Variants in MDN1 observed in about 807,000 individuals in gnomAD.
MDN1 encodes the protein midasin.
A neutral mutation model predicts 669.2 loss-of-function variants in MDN1; 266 were observed. The observed-to-expected ratio is 0.40, with a 90% CI of 0.36 to 0.44. The LOEUF (loss-of-function observed/expected upper bound fraction) is 0.44. Ranked by LOEUF, MDN1 falls within the 20% of genes least tolerant of loss-of-function variation. MDN1 has a pLI of 1.00. For synonymous variants in MDN1, 2,385 were observed against 2,457.1 expected (o/e 0.97, Z 0.87); for missense variants, 5,940 against 6,754.0 (o/e 0.88, Z 4.22).
intron 19 of MDN1, among the ~76,000 whole-genome samples, chr6:89,757,597 C>T (rs555930237): frequency 6.6e-5 from 10 of 152,202 alleles, no homozygotes; most frequent in South Asian, 2.1e-4. Flanking sequence ...CTCTAAAGTC[C>T]GGTTACATTA....
rs1239091306 is a variant in MDN1 at position 89,648,021 on chromosome 6, C to T, written c.16395+11G>A. On this transcript the variant is annotated intron_variant, in intron 99 of 101. Coordinates refer to ENST00000369393, the MANE Select transcript of MDN1 (RefSeq NM_014611.3). ...TAACTGTGCAGAAGACATTTTATTT[C>T]ATCCTCTTACCTGAGCAATCTTGGT... The T allele has an allele frequency of 6.3e-7, 1 of 1,589,002 alleles. No individual in the cohort carries two copies. Among genetic ancestry groups the T allele is most frequent in the East Asian group, 2.2e-5 (1 of 44,798 alleles).
intron 2 of MDN1, among the ~76,000 whole-genome samples, chr6:89,802,457 G>A (rs1029863997): frequency 2.0e-5 from 3 of 152,356 alleles, no homozygotes; most frequent in Admixed American, 2.0e-4. Context: ...GGTCGAGGCG[G>A]GCAGATCACG....
At chr6:89,709,752 G>A (rs1813756321) in intron 50 of MDN1, among the ~76,000 whole-genome samples, 2 of 152,284 alleles carry the variant, frequency 1.3e-5, no homozygotes, top group South Asian at 4.1e-4. Flanking sequence ...CTTCATTAAT[G>A]CTTGTGCCAA....
In MDN1 at chr6:89,790,352, T is replaced by C; in HGVS notation, c.905A>G (p.Tyr302Cys). The change falls in exon 6 of 102, where the codon TAT (tyrosine) becomes TGT (cysteine). Residue 302 changes from tyrosine to cysteine, a missense_variant. Tyr to Cys is a radical substitution (Grantham distance 194). Around this residue, in one of 5 missense-constraint regions of MDN1, gnomAD observed 1,203 missense variants for 1,268.9 expected, o/e 0.95. Transcript: ENST00000369393. ...SREQELALRS[Y>C]VLVESVCKSL... Reference sequence around the variant, plus strand: ...TTTGCAGACAGACTCAACCAGCACATAAGACCTAAGGGCCAGCTCCTGTTC... The same window carrying C: ...TTTGCAGACAGACTCAACCAGCACACAAGACCTAAGGGCCAGCTCCTGTTC... 3.1e-6 allele frequency: 5 copies of C among 1,614,056 alleles called. No individual in the cohort carries two copies. In the South Asian group the frequency reaches 5.5e-5, roughly 18 times the overall value.
Position 89,643,806 on chromosome 6 carries a change from T to A in MDN1, c.*199A>T. 2.1e-6 allele frequency: 1 copy of A among 477,264 alleles called. No individual in the cohort carries two copies. The allele number at this position is 477,264 out of a possible 1,614,324, so 29.6% of individuals were successfully genotyped here. ...TCTAGTTACGAGTTCAGGCACCTGCTGCTGCTTCCAGGTTTGGTATAAAAA... is the reference window on the plus strand; with the variant it reads ...TCTAGTTACGAGTTCAGGCACCTGCAGCTGCTTCCAGGTTTGGTATAAAAA... On this transcript the variant is annotated 3_prime_UTR_variant, in exon 102 of 102. Coordinates refer to ENST00000369393, the MANE Select transcript of MDN1 (RefSeq NM_014611.3).
At chr6:89,652,378 A>T in intron 94 of MDN1, 97 bp from the exon 95 acceptor site, 2 of 852,570 alleles carry the variant, frequency 2.3e-6, no homozygotes, top group African/African-American at 1.7e-5. Flanking sequence ...AACTCAAAGT[A>T]CATAGTCAAA....
chr6:89,703,249 A>G (rs1289346479), intron 53 of MDN1, among the ~76,000 whole-genome samples: 1 of 151,538 alleles, frequency 6.6e-6, no homozygotes. Context: ...GGCTCATTTT[A>G]CTTTATATAA....
chr6:89,690,580 A>G, intron 64 of MDN1, 93 bp downstream of exon 64: 1 of 1,459,260 alleles, frequency 6.9e-7, no homozygotes, highest in East Asian at 2.3e-5. Flanking sequence ...ATACAGAGAG[A>G]GAGATAAAGA....
chr6:89,647,258 A>G (rs377681648), intron 99 of MDN1, among the ~76,000 whole-genome samples: 12 of 152,224 alleles, frequency 7.9e-5, no homozygotes, highest in African/African-American at 2.2e-4. Flanking sequence ...AACTGAGCAA[A>G]AGAGAAGGCA....
intron 33 of MDN1, among the ~76,000 whole-genome samples, chr6:89,737,610 T>C (rs1816059708): frequency 6.6e-6 from 1 of 152,084 alleles, no homozygotes; most frequent in Non-Finnish European, 1.5e-5. Context: ...TGGATACTAA[T>C]CTATTTTCCT....
Position 89,751,535 on chromosome 6 carries a change from G to C in MDN1, c.3123C>G (p.Tyr1041Ter). 1 of 1,614,114 alleles carries C rather than the reference G, an allele frequency of 6.2e-7. No homozygotes were observed. Among genetic ancestry groups the C allele is most frequent in the Non-Finnish European group, 8.5e-7 (1 of 1,180,016 alleles). ...KGGRLIQVEG[Y>*]WIAVGDKEPT... ...GCTCCTTGTCTCCCACCGCAATCCA[G>C]TAGCCTTCAACCTGGATAAGCCGAC... is the stretch of plus-strand genomic sequence containing the variant. The change falls in exon 23 of 102, where the codon TAC becomes TAG. Residue 1041 changes from tyrosine (Y) to a stop codon, truncating the protein, a stop_gained. Coordinates refer to ENST00000369393, the MANE Select transcript of MDN1 (RefSeq NM_014611.3). LOFTEE classifies it high-confidence loss of function.
chr6:89,756,303 G>T lies in MDN1; in HGVS notation c.2790C>A (p.Asn930Lys), dbSNP rs1817241635. Residue 930 changes from asparagine to lysine, a missense_variant, in exon 20 of 102, where the codon AAC (asparagine) becomes AAA (lysine). By Grantham distance (94) the Asn-to-Lys change is moderately conservative. This residue lies in a region of MDN1 where 1,203 missense variants were observed against 1,268.9 expected (regional missense o/e 0.95). Coordinates refer to ENST00000369393, the MANE Select transcript of MDN1 (RefSeq NM_014611.3). ...TTATGATTCCTTGCACTGTATTCTT[G>T]TTCACACTCAATCCTTTCAGATAAT... is the stretch of plus-strand genomic sequence containing the variant. ...IVDYLKGLSV[N>K]KNTVQGIINF... The T allele has an allele frequency of 6.3e-7, 1 of 1,590,710 alleles. No homozygotes were observed. The highest frequency in any genetic ancestry group is 8.6e-7 in the Non-Finnish European group (1 of 1,166,852).
intron 33 of MDN1, among the ~76,000 whole-genome samples, chr6:89,735,749 T>G (rs1815930544): frequency 6.6e-6 from 1 of 152,090 alleles, no homozygotes; most frequent in Non-Finnish European, 1.5e-5. Context: ...CGGCCAGGCA[T>G]GGTGGCTCAC....
chr6:89,683,971 T>A, intron 71 of MDN1, 67 bp from the exon 72 acceptor site: 1 of 1,244,750 alleles, frequency 8.0e-7, no homozygotes, highest in Admixed American at 1.8e-5. Flanking sequence ...CTTTCTAGAT[T>A]TCTGTTCAGC....
Position 89,713,406 on chromosome 6 carries a change from ATACT to A in MDN1, c.7070-114_7070-111del, listed in dbSNP as rs1176247736. ...CCTCCTTCCTGTCAACCCCACCCAA[ATACT>A]TACTTTACAAAACATTCCAAGTAGA... On this transcript the variant is annotated intron_variant, in intron 46 of 101. Coordinates refer to ENST00000369393, the MANE Select transcript of MDN1 (RefSeq NM_014611.3). The A allele has an allele frequency of 7.2e-6, 7 of 968,020 alleles. 1 individual carries two copies. In the African/African-American group the frequency reaches 1.1e-4, roughly 16 times the overall value. 60.0% of individuals were successfully genotyped at this position (968,020 alleles called of 1,614,324 possible).
rs1562025206 is a variant in MDN1 at position 89,643,774 on chromosome 6, ACT to A, written c.*229_*230del. The A allele has an allele frequency of 9.6e-5, 39 of 404,450 alleles. No individual in the cohort carries two copies. The South Asian group carries it at 2.3e-3, about 24-fold the overall frequency. The allele number at this position is 404,450 out of a possible 1,614,324, so 25.1% of individuals were successfully genotyped here. A position where few individuals can be genotyped will look rare whatever the true frequency, so the allele number is the denominator to read the frequency against. ...GCTTCCAAGGCAGGGAAGAAGGATAACTCTTCTCTAGTTACGAGTTCAGGCAC... is the reference window on the plus strand; with the variant it reads ...GCTTCCAAGGCAGGGAAGAAGGATAACTTCTCTAGTTACGAGTTCAGGCAC... On this transcript the variant is annotated 3_prime_UTR_variant, in exon 102 of 102. Transcript: ENST00000369393.
rs760043069 is a variant in MDN1, at chr6:89,728,931, C to T, written c.5349G>A (p.Thr1783=). ...TCAGCTGTAGGATGACCGAGCTTAC[C>T]GTTTGCTCTGATAAGTTGATTCTAA... ...TLVRINLSEQ[T]DITDLFGADL... is the part of the protein sequence containing the mutation. Residue 1783 remains threonine (T), a splice_region_variant and synonymous_variant, in exon 36 of 102, where the codon ACG becomes ACA. Transcript: ENST00000369393. 2 of 1,613,326 alleles carry T rather than the reference C, an allele frequency of 1.2e-6. No homozygotes were observed. The highest frequency in any genetic ancestry group is 8.5e-7 in the Non-Finnish European group (1 of 1,179,612).
At position 89,802,451 on chromosome 6, in the gene MDN1, G is replaced by A. The variant is rs191197510; in HGVS notation, c.329+877C>T. On this transcript the variant is annotated intron_variant, in intron 2 of 101. Coordinates refer to ENST00000369393, the MANE Select transcript of MDN1 (RefSeq NM_014611.3). ...TGTAATCCCAACACTTTGGGAGGTCGAGGCGGGCAGATCACGAGGTCAAGA... is the reference window on the plus strand; with the variant it reads ...TGTAATCCCAACACTTTGGGAGGTCAAGGCGGGCAGATCACGAGGTCAAGA... 3.5e-3 allele frequency among the ~76,000 whole-genome samples: 532 copies of A among 152,346 alleles called. 13 individuals carry two copies. The South Asian group carries it at 0.048, about 14-fold the overall frequency.
chr6:89,648,242 C>T lies in MDN1; in HGVS notation c.16280+14G>A. The T allele has an allele frequency of 6.2e-7, 1 of 1,613,588 alleles. No individual in the cohort carries two copies. The highest frequency in any genetic ancestry group is 8.5e-7 in the Non-Finnish European group (1 of 1,179,534). On this transcript the variant is annotated intron_variant, in intron 98 of 101. Transcript: ENST00000369393. ...GTGAAAAGTTTTCATAAAGGAATTACAAAGCAACCTTACCTACACACTGCA... is the reference window on the plus strand; with the variant it reads ...GTGAAAAGTTTTCATAAAGGAATTATAAAGCAACCTTACCTACACACTGCA...
Sources: gnomAD v4.1 joint callset for allele counts (sites outside exome capture counted in the v4.1 genomes callset) on GRCh38, gnomAD v4.1.1 for gene constraint, gnomAD v4.1.1 regional missense constraint, MANE v1.5 for transcripts, NCBI Gene and HGNC (gene_info 2026-07-23, HGNC 2026-07-21) for gene names.